Variants in IL1RAPL1 observed in about 807,000 individuals in gnomAD.
The protein encoded by IL1RAPL1 is interleukin-1 receptor accessory protein-like 1.
Under a neutral mutation model 48.4 loss-of-function variants are expected in IL1RAPL1, and 3 were observed. The ratio of observed to expected loss-of-function variants is 0.06; its 90% CI spans 0.03 to 0.16. The LOEUF is 0.16. Ranked by LOEUF, IL1RAPL1 falls within the 10% of genes least tolerant of loss-of-function variation. The pLI is 1.00. For synonymous variants in IL1RAPL1, 185 were observed against 187.7 expected, an observed-to-expected ratio of 0.99 and a Z score of 0.12; for missense variants, 349 against 530.6, an observed-to-expected ratio of 0.66 and a Z score of 3.36.
chrX:29,541,784 A>C (rs758998941), intron 5 of IL1RAPL1, among the ~76,000 whole-genome samples: 199 of 110,638 alleles, frequency 1.8e-3, no homozygotes, highest in African/African-American at 6.0e-3. Context: ...GGGACTACTA[A>C]AGGATGGAGG....
chrX:29,755,825 G>A (rs1354576522), intron 6 of IL1RAPL1, among the ~76,000 whole-genome samples: 1 of 111,800 alleles, frequency 8.9e-6, no homozygotes, highest in Non-Finnish European at 1.9e-5. Context: ...TGACAGATTC[G>A]GATGTCTCTA....
chrX:29,315,457 C>T (rs1027316027), intron 3 of IL1RAPL1, among the ~76,000 whole-genome samples: 3 of 111,201 alleles, frequency 2.7e-5, no homozygotes, highest in Non-Finnish European at 5.7e-5. Flanking sequence ...TCAAACCTTC[C>T]GAAGATTCCA....
At chrX:29,041,811 A>G (rs756186578) in intron 2 of IL1RAPL1, among the ~76,000 whole-genome samples, 3 of 112,450 alleles carry the variant, frequency 2.7e-5, no homozygotes, top group Admixed American at 9.4e-5. Context: ...TGTTGTCACA[A>G]TGAGCTGTTC....
At chrX:28,656,874 A>C (rs1934754103) in intron 1 of IL1RAPL1, among the ~76,000 whole-genome samples, 1 of 108,606 alleles carries the variant, frequency 9.2e-6, no homozygotes, top group African/African-American at 3.4e-5. Context: ...AAAATACAAA[A>C]AATTAGCCGG....
intron 5 of IL1RAPL1, among the ~76,000 whole-genome samples, chrX:29,440,193 A>G (rs1464903768): frequency 9.0e-6 from 1 of 110,824 alleles, no homozygotes; most frequent in Admixed American, 9.7e-5. Flanking sequence ...TTATTCGAAG[A>G]GATATAATAG....
intron 5 of IL1RAPL1, among the ~76,000 whole-genome samples, chrX:29,617,799 C>A (rs766819279): frequency 2.7e-5 from 3 of 111,868 alleles, no homozygotes; most frequent in Non-Finnish European, 3.8e-5. Context: ...TAGTCCACTT[C>A]ACTCCCTAGA....
chrX:28,811,221 T>C (rs1936790244), intron 2 of IL1RAPL1, among the ~76,000 whole-genome samples: 1 of 110,711 alleles, frequency 9.0e-6, no homozygotes, highest in Non-Finnish European at 1.9e-5. Context: ...GTTAATTTTA[T>C]ACAAATAAAA....
At chrX:28,927,694 T>C (rs1432330629) in intron 2 of IL1RAPL1, among the ~76,000 whole-genome samples, 1 of 109,369 alleles carries the variant, frequency 9.1e-6, no homozygotes, top group African/African-American at 3.3e-5. Flanking sequence ...CATGTCTCTG[T>C]TCTTCCCATA....
At chrX:29,732,972 ATATCT>A (rs755368742) in intron 6 of IL1RAPL1, among the ~76,000 whole-genome samples, 45 of 111,014 alleles carry the variant, frequency 4.1e-4, no homozygotes, top group African/African-American at 1.4e-3. Context: ...TTAAAATGTG[ATATCT>A]TATATTTTAT....
chrX:29,243,230 G>A (rs1435232335), intron 2 of IL1RAPL1, among the ~76,000 whole-genome samples: 1 of 112,330 alleles, frequency 8.9e-6, no homozygotes, highest in Non-Finnish European at 1.9e-5. Context: ...ATGCTTTGAT[G>A]CTTCAACATC....
At chrX:28,612,118 G>T (rs1290649318) in intron 1 of IL1RAPL1, among the ~76,000 whole-genome samples, 1 of 111,381 alleles carries the variant, frequency 9.0e-6, no homozygotes, top group Non-Finnish European at 1.9e-5. Flanking sequence ...TCTAATATTT[G>T]TGGGGTCAGG....
chrX:29,080,510 A>T (rs1332311917), intron 2 of IL1RAPL1, among the ~76,000 whole-genome samples: 5 of 111,407 alleles, frequency 4.5e-5, no homozygotes, highest in Non-Finnish European at 9.4e-5. Flanking sequence ...AAGTGGCTTT[A>T]ATCTATGAAC....
At chrX:29,712,687 G>A (rs754681538) in intron 6 of IL1RAPL1, among the ~76,000 whole-genome samples, 1 of 112,031 alleles carries the variant, frequency 8.9e-6, no homozygotes, top group African/African-American at 3.2e-5. Context: ...AGTAAAAAGA[G>A]TATATTTCTT....
At chrX:29,424,550 G>A (rs994479529) in intron 5 of IL1RAPL1, among the ~76,000 whole-genome samples, 2 of 111,440 alleles carry the variant, frequency 1.8e-5, no homozygotes, top group African/African-American at 3.3e-5. Flanking sequence ...ATCACTTGGG[G>A]CAAAACAGTT....
chrX:29,544,742 T>A (rs1921554772), intron 5 of IL1RAPL1, among the ~76,000 whole-genome samples: 1 of 110,378 alleles, frequency 9.1e-6, no homozygotes, highest in South Asian at 3.9e-4. Context: ...TGTGTGTGTG[T>A]GTGTGTGTAT....
rs1015350082 is a variant in IL1RAPL1, at chrX:29,223,807, C to T, written c.83-59131C>T. 4.7e-4 allele frequency among the ~76,000 whole-genome samples: 52 copies of T among 110,544 alleles called. 1 individual carries two copies. The highest frequency in any genetic ancestry group is 4.2e-3 in the Admixed American group (43 of 10,298). On this transcript the variant is annotated intron_variant, in intron 2 of 10. Transcript: ENST00000378993. ...ATCCACCCGCCTCGTCCTCCCAAAGCGCTGGGATTACAAGTGTGAGCCACT... is the reference window on the plus strand; with the variant it reads ...ATCCACCCGCCTCGTCCTCCCAAAGTGCTGGGATTACAAGTGTGAGCCACT...
At chrX:29,329,058 A>G (rs757408729) in intron 3 of IL1RAPL1, among the ~76,000 whole-genome samples, 2 of 111,524 alleles carry the variant, frequency 1.8e-5, no homozygotes, top group African/African-American at 6.5e-5. Context: ...TAATATTTAT[A>G]GATCTTACAT....
At position 28,737,121 on chromosome X, in the gene IL1RAPL1, CCTTCCTT is replaced by C. The variant is rs1569161718; in HGVS notation, c.-24-52197_-24-52191del. On this transcript the variant is annotated intron_variant, in intron 1 of 10. Transcript: ENST00000378993. ...TCTTTTCTTTTCTCTTCTTTTCCTT[CCTTCCTT>C]CCTTCCTTCCTTCCTTCCTTCCTTC... 9.1e-3 allele frequency among the ~76,000 whole-genome samples: 655 copies of C among 71,741 alleles called. 9 individuals are homozygous for C. The highest frequency in any genetic ancestry group is 0.036 in the African/African-American group (628 of 17,621). The allele number at this position is 71,741 out of a possible 115,157, so 62.3% of individuals were successfully genotyped here.
At chrX:29,308,579 A>G (rs954259042) in intron 3 of IL1RAPL1, among the ~76,000 whole-genome samples, 3 of 112,441 alleles carry the variant, frequency 2.7e-5, no homozygotes, top group African/African-American at 9.7e-5. Flanking sequence ...AACTGGGAGA[A>G]GATACCAAAC....
Sources: allele counts gnomAD v4.1 joint callset (sites outside exome capture counted in the v4.1 genomes callset), GRCh38; gene constraint gnomAD v4.1.1; transcripts MANE v1.5; gene names NCBI Gene and HGNC (gene_info 2026-07-23, HGNC 2026-07-21).